The following CORO1C variants were observed in gnomAD, a reference collection of about 807,000 sequenced individuals.
The protein encoded by CORO1C is coronin-1C.
Under a neutral mutation model 51.2 loss-of-function variants are expected in CORO1C, and 14 were observed. The observed-to-expected ratio is 0.27, with a 90% CI of 0.18 to 0.43. The LOEUF (loss-of-function observed/expected upper bound fraction) is 0.43. CORO1C is among the 20% of genes least tolerant of loss of function. The probability of loss-of-function intolerance (pLI) is 1.00; values close to 1 mark genes in which losing one functional copy is unlikely to be tolerated. For synonymous variants in CORO1C, 181 were observed against 210.5 expected (o/e 0.86, Z 1.21); for missense variants, 417 against 607.8 (o/e 0.69, Z 3.30).
At position 108,662,240 on chromosome 12, in the gene CORO1C, G is replaced by A. The variant is rs1029357483; in HGVS notation, c.319-82C>T. 4 of 1,230,144 alleles carry A rather than the reference G, an allele frequency of 3.3e-6. No homozygotes were observed. In the African/African-American group the frequency reaches 5.9e-5, roughly 18 times the overall value. The allele number at this position is 1,230,144 out of a possible 1,614,324, so 76.2% of individuals were successfully genotyped here. ...ATTTACAGTGACCATCCACTATAAA[G>A]ATTTGCTCTATGTAAACAGAACATA... On this transcript the variant is annotated intron_variant, in intron 3 of 10. Transcript: ENST00000261401.
At chr12:108,659,299 T>G (rs1001842027) in intron 4 of CORO1C, among the ~76,000 whole-genome samples, 5 of 152,220 alleles carry the variant, frequency 3.3e-5, no homozygotes, top group Admixed American at 3.3e-4. Flanking sequence ...AGTTTCCCTT[T>G]CTAGTAAAAC....
intron 1 of CORO1C, among the ~76,000 whole-genome samples, chr12:108,719,903 G>C (rs1460398192): frequency 6.6e-6 from 1 of 152,146 alleles, no homozygotes; most frequent in Non-Finnish European, 1.5e-5. Flanking sequence ...TTGCTAACCA[G>C]GCCAGGCACA....
Position 108,648,834 on chromosome 12 carries a change from T to C in CORO1C, c.1076A>G (p.Asp359Gly). ...CCCCGCTGTGTCAGGATACAGGTCA[T>C]CTTGGAAAAGGTCAGACTACAAGAG... ...TVPRKSDLFQ[D>G]DLYPDTAGPE... The change falls in exon 10 of 11, where the codon GAT becomes GGT. Residue 359 changes from aspartate (D) to glycine (G), a missense_variant. Physicochemically the swap from Asp to Gly is moderately conservative, Grantham distance 94. Transcript: ENST00000261401. The C allele has an allele frequency of 1.2e-6, 2 of 1,614,192 alleles. No individual in the cohort carries two copies. Among genetic ancestry groups the C allele is most frequent in the Non-Finnish European group, 1.7e-6 (2 of 1,180,034 alleles).
chr12:108,656,581 T>C (rs2033027158), intron 6 of CORO1C, among the ~76,000 whole-genome samples: 1 of 152,184 alleles, frequency 6.6e-6, no homozygotes, highest in Non-Finnish European at 1.5e-5. Context: ...CGGGCCATGA[T>C]GACGATGGCG....
At chr12:108,667,855 T>C (rs760487454) in intron 3 of CORO1C, among the ~76,000 whole-genome samples, 2 of 152,188 alleles carry the variant, frequency 1.3e-5, no homozygotes, top group Non-Finnish European at 2.9e-5. Flanking sequence ...AGCCTGGATA[T>C]GGAAAAAGGA....
intron 1 of CORO1C, among the ~76,000 whole-genome samples, chr12:108,705,928 T>C (rs1762106254): frequency 6.6e-6 from 1 of 152,186 alleles, no homozygotes; most frequent in Admixed American, 6.5e-5. Flanking sequence ...GGCTCATGCC[T>C]GTAATCCCAA....
chr12:108,656,676 A>G (rs1213411885), intron 6 of CORO1C, among the ~76,000 whole-genome samples: 1 of 152,240 alleles, frequency 6.6e-6, no homozygotes, highest in Non-Finnish European at 1.5e-5. Context: ...GGAAGTAGAC[A>G]TGGGAGACTT....
chr12:108,657,517 A>G (rs2033079658), intron 5 of CORO1C, 94 bp from the exon 6 acceptor site: 9 of 1,348,284 alleles, frequency 6.7e-6, no homozygotes, highest in South Asian at 3.9e-5. Flanking sequence ...ACCAACTGCC[A>G]TTCATGTTCA....
At chr12:108,724,240 G>A (rs1362727939) in intron 1 of CORO1C, among the ~76,000 whole-genome samples, 1 of 152,170 alleles carries the variant, frequency 6.6e-6, no homozygotes, top group African/African-American at 2.4e-5. Flanking sequence ...TGCAGATCTG[G>A]CAAAAGAGCA....
At chr12:108,696,703 C>T (rs1315309284) in intron 2 of CORO1C, among the ~76,000 whole-genome samples, 2 of 152,210 alleles carry the variant, frequency 1.3e-5, no homozygotes. Context: ...ATTATTCATC[C>T]TCTGAAGGAC....
intron 1 of CORO1C, chr12:108,703,071 C>G: frequency 3.1e-6 from 3 of 955,934 alleles, no homozygotes; most frequent in Non-Finnish European, 4.4e-6. Context: ...TGGTGAAAAG[C>G]AAAAGGAAAG....
chr12:108,672,058 T>C (rs1178214925), intron 3 of CORO1C, among the ~76,000 whole-genome samples: 1 of 152,184 alleles, frequency 6.6e-6, no homozygotes, highest in Non-Finnish European at 1.5e-5. Context: ...GCACTGTCCC[T>C]GCCCAATCAT....
intron 3 of CORO1C, among the ~76,000 whole-genome samples, chr12:108,668,982 A>AG (rs1261322264): frequency 5.3e-5 from 8 of 152,258 alleles, no homozygotes; most frequent in Non-Finnish European, 1.0e-4. Context: ...CTGCAAAGCT[A>AG]GGAGTGAAGT....
At chr12:108,665,953 C>T (rs1377128976) in intron 3 of CORO1C, among the ~76,000 whole-genome samples, 1 of 152,208 alleles carries the variant, frequency 6.6e-6, no homozygotes, top group African/African-American at 2.4e-5. Flanking sequence ...TAGAAGAATG[C>T]CTGGCATAAG....
At chr12:108,655,767 A>T (rs1326459497) in intron 6 of CORO1C, among the ~76,000 whole-genome samples, 1 of 152,100 alleles carries the variant, frequency 6.6e-6, no homozygotes. Context: ...TGGCCTCCCA[A>T]AGTGCCCAGA....
intron 1 of CORO1C, among the ~76,000 whole-genome samples, chr12:108,710,374 A>G (rs979974905): frequency 6.6e-5 from 10 of 152,130 alleles, no homozygotes; most frequent in Admixed American, 2.6e-4. Context: ...TTCTTAATAA[A>G]CTTGTTTTCA....
At chr12:108,697,411 G>A (rs2034723053) in intron 2 of CORO1C, among the ~76,000 whole-genome samples, 1 of 152,170 alleles carries the variant, frequency 6.6e-6, no homozygotes, top group Admixed American at 6.5e-5. Context: ...AATCATGCCA[G>A]GCTGCTATCA....
chr12:108,658,178 C>T lies in CORO1C; in HGVS notation c.630+560G>A, dbSNP rs940379574. 2.0e-4 allele frequency among the ~76,000 whole-genome samples: 30 copies of T among 152,212 alleles called. 4 individuals are homozygous for T. Among genetic ancestry groups the T allele is most frequent in the African/African-American group, 7.0e-4 (29 of 41,500 alleles). ...GCTGATGAGAGAACTTGTTGCTTTT[C>T]GCCCTGCGCATTTATTTATTTATTT... On this transcript the variant is annotated intron_variant, in intron 5 of 10. Coordinates refer to ENST00000261401, the MANE Select transcript of CORO1C (RefSeq NM_014325.4). This position sits in a 1 kb window ranked among gnomAD's most constrained non-coding sequence, Gnocchi z 4.9.
chr12:108,679,123 A>G (rs1451621940), intron 2 of CORO1C, among the ~76,000 whole-genome samples: 1 of 148,888 alleles, frequency 6.7e-6, no homozygotes, highest in Non-Finnish European at 1.5e-5. Flanking sequence ...AAAAAAAAAA[A>G]AAAAAAGAAA....
Sources: allele counts gnomAD v4.1 joint callset (sites outside exome capture counted in the v4.1 genomes callset), GRCh38; gene constraint gnomAD v4.1.1; non-coding constraint Gnocchi (gnomAD v3.1); transcripts MANE v1.5; gene names NCBI Gene and HGNC (gene_info 2026-07-23, HGNC 2026-07-21).